KCNQ1OT1: variants seen among roughly 807,000 people sequenced by gnomAD.
KCNQ1OT1 encodes the protein KCNQ1 antisense RNA 2 (non-protein coding).
chr11:2,698,551 C>G lies in KCNQ1OT1; in HGVS notation n.1444G>C, dbSNP rs1051210159. 1 of 398,534 alleles carries G rather than the reference C, an allele frequency of 2.5e-6. No individual in the cohort carries two copies. Among genetic ancestry groups the G allele is most frequent in the South Asian group, 1.3e-4 (1 of 7,846 alleles). The allele number at this position is 398,534 out of a possible 1,614,324, so 24.7% of individuals were successfully genotyped here. Reference sequence around the variant, plus strand: ...CCAACTCAGACTGCAACCTTTACTTCGCCCCCTAATTCCTGACTCAGAATC... The same window carrying G: ...CCAACTCAGACTGCAACCTTTACTTGGCCCCCTAATTCCTGACTCAGAATC... On this transcript the variant is annotated non_coding_transcript_exon_variant, in exon 1 of 1. Transcript: ENST00000597346. The surrounding 1 kb of genome is among the most constrained non-coding windows in gnomAD (Gnocchi z 5.1).
chr11:2,659,914 G>A lies in KCNQ1OT1; in HGVS notation n.40081C>T, dbSNP rs1381522325. 5.0e-6 allele frequency: 2 copies of A among 398,192 alleles called. No homozygotes were observed. The highest frequency in any genetic ancestry group is 8.8e-5 in the Admixed American group (2 of 22,702). The allele number at this position is 398,192 out of a possible 1,614,324, so 24.7% of individuals were successfully genotyped here. On this transcript the variant is annotated non_coding_transcript_exon_variant, in exon 1 of 1. Coordinates refer to ENST00000597346, the Ensembl canonical transcript of KCNQ1OT1. The surrounding 1 kb of genome is among the most constrained non-coding windows in gnomAD (Gnocchi z 4.3). ...TGTTCACTTTATTGTCAAGTTGTAA[G>A]CATTCTTTATATATTCTGAGTGCAA... is the stretch of plus-strand genomic sequence containing the variant.
At chr11:2,696,050 T>C (rs1850671269) in exon 1 of KCNQ1OT1, 4 of 398,512 alleles carry the variant, frequency 1.0e-5, no homozygotes, top group African/African-American at 4.1e-5. Context: ...TTAGTATTAT[T>C]ATGAAAACAG....
At chr11:2,686,516 G>A (rs749668495) in exon 1 of KCNQ1OT1, 2 of 398,526 alleles carry the variant, frequency 5.0e-6, no homozygotes, top group Admixed American at 4.4e-5. Context: ...TCTCACTCCC[G>A]TCACGGAAAT....
chr11:2,615,690 A>G lies in KCNQ1OT1; in HGVS notation n.84305T>C, dbSNP rs947664798. On this transcript the variant is annotated non_coding_transcript_exon_variant, in exon 1 of 1. Transcript: ENST00000597346. ...TTAATGTGGTGTATTACATTGATTG[A>G]TACTCTTGTACTGAACCACCCTTGT... 37 of 398,064 alleles carry G rather than the reference A, an allele frequency of 9.3e-5. No homozygotes were observed. In the East Asian group the frequency reaches 1.3e-3, roughly 13 times the overall value. 24.7% of individuals were successfully genotyped at this position (398,064 alleles called of 1,614,324 possible).
Position 2,674,838 on chromosome 11 carries a change from A to G in KCNQ1OT1, n.25157T>C. The G allele has an allele frequency of 5.1e-6, 2 of 392,434 alleles. No individual in the cohort carries two copies. Among genetic ancestry groups the G allele is most frequent in the Non-Finnish European group, 9.0e-6 (2 of 223,178 alleles). 24.3% of individuals were successfully genotyped at this position (392,434 alleles called of 1,614,324 possible). ...CACCCTAATAGCTGTTTTTTAAAAAAAAAAAAAAAAAAAAAAAAAAAAGCT... is the reference window on the plus strand; with the variant it reads ...CACCCTAATAGCTGTTTTTTAAAAAGAAAAAAAAAAAAAAAAAAAAAAGCT... On this transcript the variant is annotated non_coding_transcript_exon_variant, in exon 1 of 1. Coordinates refer to ENST00000597346, the Ensembl canonical transcript of KCNQ1OT1. The surrounding 1 kb of genome is among the most constrained non-coding windows in gnomAD (Gnocchi z 5.9).
chr11:2,646,098 C>T, exon 1 of KCNQ1OT1: 1 of 398,646 alleles, frequency 2.5e-6, no homozygotes, highest in Non-Finnish European at 4.4e-6. Context: ...TGACTCCCCT[C>T]TTATCCCTTG....
Position 2,671,523 on chromosome 11 carries a change from A to C in KCNQ1OT1, n.28472T>G. On this transcript the variant is annotated non_coding_transcript_exon_variant, in exon 1 of 1. Coordinates refer to ENST00000597346, the Ensembl canonical transcript of KCNQ1OT1. This position sits in a 1 kb window ranked among gnomAD's most constrained non-coding sequence, Gnocchi z 4.7. ...TTAGGGCCAATTCAAGGGATTTTTCAAAGGTTAATTTTGACTCTGCCTGAC... is the reference window on the plus strand; with the variant it reads ...TTAGGGCCAATTCAAGGGATTTTTCCAAGGTTAATTTTGACTCTGCCTGAC... The C allele has an allele frequency of 2.5e-6, 1 of 398,644 alleles. No individual in the cohort carries two copies. The highest frequency in any genetic ancestry group is 1.3e-4 in the South Asian group (1 of 7,858). 24.7% of individuals were successfully genotyped at this position (398,644 alleles called of 1,614,324 possible).
exon 1 of KCNQ1OT1, chr11:2,681,352 C>T: frequency 5.0e-6 from 2 of 398,448 alleles, no homozygotes; most frequent in Non-Finnish European, 8.8e-6. Flanking sequence ...CCTTGTAGCT[C>T]CCTGCTCACT....
At position 2,611,226 on chromosome 11, in the gene KCNQ1OT1, T is replaced by A. The variant is rs531990459; in HGVS notation, n.88769A>T. 1 of 398,434 alleles carries A rather than the reference T, an allele frequency of 2.5e-6. No homozygotes were observed. Among genetic ancestry groups the A allele is most frequent in the Admixed American group, 4.4e-5 (1 of 22,738 alleles). The allele number at this position is 398,434 out of a possible 1,614,324, so 24.7% of individuals were successfully genotyped here. A position where few individuals can be genotyped will look rare whatever the true frequency, so the allele number is the denominator to read the frequency against. ...TATTTTGTCTGATTTTATTTATTTTTATTTTATTTTTGGGATGGAGTCTCA... is the reference window on the plus strand; with the variant it reads ...TATTTTGTCTGATTTTATTTATTTTAATTTTATTTTTGGGATGGAGTCTCA... On this transcript the variant is annotated non_coding_transcript_exon_variant, in exon 1 of 1. Coordinates refer to ENST00000597346, the Ensembl canonical transcript of KCNQ1OT1. The surrounding 1 kb of genome is among the most constrained non-coding windows in gnomAD (Gnocchi z 5.3).
chr11:2,691,577 C>T lies in KCNQ1OT1; in HGVS notation n.8418G>A, dbSNP rs557949470. On this transcript the variant is annotated non_coding_transcript_exon_variant, in exon 1 of 1. Coordinates refer to ENST00000597346, the Ensembl canonical transcript of KCNQ1OT1. This position sits in a 1 kb window ranked among gnomAD's most constrained non-coding sequence, Gnocchi z 6.4. The stretch of plus-strand genomic sequence containing the variant: ...AGGTTATGAAATACCTCAGCAAGGA[C>T]GAGGCCTCCCTGAGGGAGTCAACCT... The T allele has an allele frequency of 2.5e-5, 10 of 398,430 alleles. No homozygotes were observed. Among genetic ancestry groups the T allele is most frequent in the African/African-American group, 1.0e-4 (5 of 48,586 alleles). The allele number at this position is 398,430 out of a possible 1,614,324, so 24.7% of individuals were successfully genotyped here. A position where few individuals can be genotyped will look rare whatever the true frequency, so the allele number is the denominator to read the frequency against.
chr11:2,619,229 A>G, exon 1 of KCNQ1OT1: 1 of 398,546 alleles, frequency 2.5e-6, no homozygotes. Context: ...AGTAGTAGCT[A>G]GAGTGGGCAT....
exon 1 of KCNQ1OT1, chr11:2,689,570 A>C (rs568221808): frequency 1.3e-5 from 5 of 398,666 alleles, no homozygotes; most frequent in African/African-American, 4.1e-5. Context: ...TGATGTGGAA[A>C]TCTGTTAGCA....
chr11:2,645,590 G>A lies in KCNQ1OT1; in HGVS notation n.54405C>T, dbSNP rs199996570. 2.4e-4 allele frequency: 97 copies of A among 398,734 alleles called. No homozygotes were observed. In the East Asian group the frequency reaches 3.2e-3, roughly 13 times the overall value. The allele number at this position is 398,734 out of a possible 1,614,324, so 24.7% of individuals were successfully genotyped here. ...ATAAACAGGCAGTTGGGCAATGCAT[G>A]CTTCGGCCCCAGGTGGTGACTATGG... On this transcript the variant is annotated non_coding_transcript_exon_variant, in exon 1 of 1. Transcript: ENST00000597346. This position sits in a 1 kb window ranked among gnomAD's most constrained non-coding sequence, Gnocchi z 5.8.
chr11:2,655,958 G>T, exon 1 of KCNQ1OT1: 1 of 398,698 alleles, frequency 2.5e-6, no homozygotes. Context: ...GCAGGTGCAG[G>T]TCCCACCCAC....
At chr11:2,619,490 A>G (rs7945093) in exon 1 of KCNQ1OT1, 317,853 of 398,456 alleles carry the variant, frequency 0.8, 127,724 homozygotes, top group East Asian at 0.99. Flanking sequence ...TATATTAAAT[A>G]AGATTTGCAT....
In KCNQ1OT1 at chr11:2,673,612, C is replaced by G. The variant is rs895096554; in HGVS notation, n.26383G>C. On this transcript the variant is annotated non_coding_transcript_exon_variant, in exon 1 of 1. Coordinates refer to ENST00000597346, the Ensembl canonical transcript of KCNQ1OT1. This position sits in a 1 kb window ranked among gnomAD's most constrained non-coding sequence, Gnocchi z 4.5. ...CTAAAGAGAAGCTAAACGTGACCAG[C>G]CTACCCACCTTGCTACTGCTGATGA... 7.5e-6 allele frequency: 3 copies of G among 398,674 alleles called. No individual in the cohort carries two copies. In the East Asian group the frequency reaches 1.1e-4, roughly 14 times the overall value. The allele number at this position is 398,674 out of a possible 1,614,324, so 24.7% of individuals were successfully genotyped here.
Position 2,616,850 on chromosome 11 carries a change from G to GCGAGAA in KCNQ1OT1, n.83144_83145insTTCTCG. On this transcript the variant is annotated non_coding_transcript_exon_variant, in exon 1 of 1. Coordinates refer to ENST00000597346, the Ensembl canonical transcript of KCNQ1OT1. The stretch of plus-strand genomic sequence containing the variant: ...TGTTCCATGTGCACTTGAGAAGAAT[G>GCGAGAA]TGTAGTTGGGTGGAGTGTCCATATA... 4 of 398,258 alleles carry GCGAGAA rather than the reference G, an allele frequency of 1.0e-5. No individual in the cohort carries two copies. The Admixed American group carries it at 1.8e-4, about 18-fold the overall frequency. 24.7% of individuals were successfully genotyped at this position (398,258 alleles called of 1,614,324 possible).
chr11:2,685,662 G>C (rs1449249424), exon 1 of KCNQ1OT1: 15 of 398,564 alleles, frequency 3.8e-5, no homozygotes. Context: ...ACAGGTACCA[G>C]AAGTTCAGGG....
rs1369295965 is a variant in KCNQ1OT1 at position 2,682,086 on chromosome 11, A to G, written n.17909T>C. The G allele has an allele frequency of 7.5e-6, 3 of 398,510 alleles. No homozygotes were observed. The East Asian group carries it at 1.1e-4, about 14-fold the overall frequency. 24.7% of individuals were successfully genotyped at this position (398,510 alleles called of 1,614,324 possible). A position where few individuals can be genotyped will look rare whatever the true frequency, so the allele number is the denominator to read the frequency against. Reference sequence around the variant, plus strand: ...GGTTGAGGGATTGAGTCTAGGGCCCAGGGTCACAAAGCTAGGGAGCCGTGG... The same window carrying G: ...GGTTGAGGGATTGAGTCTAGGGCCCGGGGTCACAAAGCTAGGGAGCCGTGG... On this transcript the variant is annotated non_coding_transcript_exon_variant, in exon 1 of 1. Transcript: ENST00000597346. The surrounding 1 kb of genome is among the most constrained non-coding windows in gnomAD (Gnocchi z 5.8).
Sources: gnomAD v4.1 joint callset for allele counts on GRCh38, gnomAD v4.1.1 for gene constraint, Gnocchi (gnomAD v3.1) non-coding constraint, MANE v1.5 for transcripts, NCBI Gene and HGNC (gene_info 2026-07-23, HGNC 2026-07-21) for gene names.